The following SPG11 variants were observed in gnomAD, a reference collection of about 807,000 sequenced individuals.
SPG11 encodes the protein SPG11 vesicle trafficking associated, spatacsin.
In SPG11, 222 loss-of-function variants were observed where a neutral mutation model predicts 274.0. The ratio of observed to expected loss-of-function variants is 0.81; its 90% CI spans 0.73 to 0.91. The LOEUF is 0.91. SPG11 is among the 40% of genes least tolerant of loss of function. The pLI, the probability that SPG11 is intolerant of heterozygous loss-of-function variation, is 0.00. For missense variants in SPG11, 3,114 were observed against 2,872.7 expected (o/e 1.08, Z -1.92); for synonymous variants, 1,144 against 1,039.7 (o/e 1.10, Z -1.93).
chr15:44,651,137 G>C (rs2084762957), intron 6 of SPG11, among the ~76,000 whole-genome samples: 2 of 152,142 alleles, frequency 1.3e-5, no homozygotes, highest in African/African-American at 4.8e-5. Context: ...TAAAAGCCTA[G>C]ACAGTGCAAG....
intron 8 of SPG11, among the ~76,000 whole-genome samples, chr15:44,631,528 A>G (rs1303070530): frequency 6.6e-6 from 1 of 152,212 alleles, no homozygotes; most frequent in Non-Finnish European, 1.5e-5. Flanking sequence ...CTTTATAGAC[A>G]TGGAAGAGCT....
At chr15:44,579,526 CA>C (rs954664107) in intron 30 of SPG11, among the ~76,000 whole-genome samples, 1,300 of 51,874 alleles carry the variant, frequency 0.025, 3 homozygotes, top group East Asian at 0.058. Context: ...GACTCCGTCT[CA>C]AAAAAAAAAA....
chr15:44,614,608 A>G (rs1353649586), intron 16 of SPG11, among the ~76,000 whole-genome samples: 1 of 152,246 alleles, frequency 6.6e-6, no homozygotes, highest in Non-Finnish European at 1.5e-5. Context: ...ATAAAAATTA[A>G]GTAGAATTAA....
At chr15:44,654,031 G>A (rs1044637119) in intron 4 of SPG11, among the ~76,000 whole-genome samples, 1 of 152,124 alleles carries the variant, frequency 6.6e-6, no homozygotes, top group African/African-American at 2.4e-5. Context: ...ACAGCTCACT[G>A]TAGCCTTGAT....
chr15:44,578,042 T>TTTC (rs2082579553), intron 30 of SPG11, among the ~76,000 whole-genome samples: 1 of 144,594 alleles, frequency 6.9e-6, no homozygotes, highest in South Asian at 2.2e-4. Context: ...TTTTTTTTTT[T>TTTC]GAGACGGAGT....
chr15:44,575,829 C>T (rs1313949987), intron 30 of SPG11, among the ~76,000 whole-genome samples: 3 of 151,838 alleles, frequency 2.0e-5, no homozygotes, highest in Non-Finnish European at 2.9e-5. Flanking sequence ...AAATTAAAAT[C>T]TATTCCTGAT....
At chr15:44,566,392 G>A in intron 36 of SPG11, 87 bp from the exon 37 acceptor site, 2 of 1,328,456 alleles carry the variant, frequency 1.5e-6, no homozygotes, top group Non-Finnish European at 1.1e-6. Context: ...GGCTAGAATA[G>A]AAACATCCCA....
intron 26 of SPG11, among the ~76,000 whole-genome samples, chr15:44,594,413 G>A (rs531502711): frequency 4.4e-4 from 67 of 151,754 alleles, no homozygotes; most frequent in African/African-American, 1.4e-3. Flanking sequence ...GTGACAGAGC[G>A]AGACTCTGTC....
rs1446012116 is a variant in SPG11 at position 44,608,625 on chromosome 15, A to T, written c.3292-20T>A. On this transcript the variant is annotated intron_variant, in intron 18 of 39. Transcript: ENST00000261866. ...AACAACCTAAGTAAAAAAACAGATA[A>T]CAGGTTGGACAGTAGCATTTTTCTC... is the stretch of plus-strand genomic sequence containing the variant. The T allele has an allele frequency of 6.2e-7, 1 of 1,611,016 alleles. No individual in the cohort carries two copies. Among genetic ancestry groups the T allele is most frequent in the African/African-American group, 1.3e-5 (1 of 74,920 alleles).
At chr15:44,570,107 T>A (rs1478287707) in intron 34 of SPG11, among the ~76,000 whole-genome samples, 1 of 152,204 alleles carries the variant, frequency 6.6e-6, no homozygotes, top group Non-Finnish European at 1.5e-5. Flanking sequence ...GCCCAGTAGC[T>A]TGCTCAGCCA....
intron 8 of SPG11, 39 bp from the exon 9 acceptor site, chr15:44,629,427 G>C (rs762265810): frequency 2.5e-6 from 4 of 1,586,316 alleles, no homozygotes; most frequent in Admixed American, 1.7e-5. Context: ...AAGAACACCA[G>C]GATACTCACA....
chr15:44,573,358 T>C (rs1239625318), intron 32 of SPG11, 189 bp downstream of exon 32: 2 of 663,306 alleles, frequency 3.0e-6, no homozygotes, highest in Non-Finnish European at 5.3e-6. Flanking sequence ...CAACAGCATG[T>C]ATTTTGTACA....
At chr15:44,642,364 CA>C (rs36011354) in intron 7 of SPG11, among the ~76,000 whole-genome samples, 654 of 44,536 alleles carry the variant, frequency 0.015, 3 homozygotes, top group African/African-American at 0.036. Flanking sequence ...GACTCCATCT[CA>C]AAAAAAAAAA....
chr15:44,572,864 G>C (rs1183670284), intron 32 of SPG11, 44 bp from the exon 33 acceptor site: 2 of 1,610,338 alleles, frequency 1.2e-6, no homozygotes, highest in Non-Finnish European at 1.7e-6. Flanking sequence ...TTATCTAAGA[G>C]AGGCCCACTC....
At chr15:44,599,278 C>G (rs1318645098) in intron 21 of SPG11, among the ~76,000 whole-genome samples, 1 of 152,062 alleles carries the variant, frequency 6.6e-6, no homozygotes, top group Non-Finnish European at 1.5e-5. Flanking sequence ...GGGAAAGACA[C>G]AAGAAATTAC....
At chr15:44,650,100 A>T (rs1190685850) in intron 6 of SPG11, among the ~76,000 whole-genome samples, 2 of 152,218 alleles carry the variant, frequency 1.3e-5, no homozygotes, top group Non-Finnish European at 1.5e-5. Flanking sequence ...TAATCACAAC[A>T]TTCAATACCT....
At chr15:44,629,173 C>G in intron 9 of SPG11, 60 bp downstream of exon 9, 8 of 1,574,200 alleles carry the variant, frequency 5.1e-6, no homozygotes, top group Non-Finnish European at 7.0e-6. Context: ...AATAGCAGCA[C>G]TTGTATCTGT....
rs553982566 is a variant in SPG11, at chr15:44,573,846, G to A, written c.6007-101C>T. 38 of 1,078,848 alleles carry A rather than the reference G, an allele frequency of 3.5e-5. No individual in the cohort carries two copies. The African/African-American group carries it at 5.7e-4, about 16-fold the overall frequency. 66.8% of individuals were successfully genotyped at this position (1,078,848 alleles called of 1,614,324 possible). On this transcript the variant is annotated intron_variant, in intron 31 of 39. Transcript: ENST00000261866. ...ATGTGGACAGACTCCACTGTATTCT[G>A]AGCTTACAGACTCCTCACCCTCAGC...
chr15:44,621,976 GA>G (rs2083766641), intron 13 of SPG11, 42 bp from the exon 14 acceptor site: 2 of 1,466,544 alleles, frequency 1.4e-6, no homozygotes. Flanking sequence ...TAATTTTGGA[GA>G]AAAAGGCATC....
Sources: allele counts gnomAD v4.1 joint callset (sites outside exome capture counted in the v4.1 genomes callset), GRCh38; gene constraint gnomAD v4.1.1; transcripts MANE v1.5; gene names NCBI Gene and HGNC (gene_info 2026-07-23, HGNC 2026-07-21).